Variants in ADK observed in about 807,000 individuals in gnomAD.
ADK encodes the protein adenosine kinase.
A neutral mutation model predicts 44.7 loss-of-function variants in ADK; 24 were observed. The observed-to-expected ratio is 0.54, with a 90% CI of 0.39 to 0.76. ADK has a LOEUF of 0.76. Ranked by LOEUF, ADK falls within the 30% of genes least tolerant of loss-of-function variation. The pLI, the probability that ADK is intolerant of heterozygous loss-of-function variation, is 0.00. For missense variants in ADK, 321 were observed against 425.1 expected, an observed-to-expected ratio of 0.76 and a Z score of 2.15; for synonymous variants, 128 against 142.6, an observed-to-expected ratio of 0.90 and a Z score of 0.73.
intron 6 of ADK, among the ~76,000 whole-genome samples, chr10:74,462,145 C>T (rs2133246946): frequency 6.6e-6 from 1 of 152,012 alleles, no homozygotes; most frequent in South Asian, 2.1e-4. Flanking sequence ...TGTTTTTATA[C>T]CAGAGCACCA....
chr10:74,193,486 T>C (rs1472381151), intron 1 of ADK, among the ~76,000 whole-genome samples: 1 of 152,148 alleles, frequency 6.6e-6, no homozygotes, highest in African/African-American at 2.4e-5. Context: ...TCTTTGTCTT[T>C]ATAAAAGTGT....
rs377078187 is a variant in ADK at position 74,277,546 on chromosome 10, G to A, written c.195-37121G>A. Among the ~76,000 whole-genome samples, 11 of 152,088 alleles carry A rather than the reference G, an allele frequency of 7.2e-5. No individual in the cohort carries two copies. The East Asian group carries it at 1.4e-3, about 19-fold the overall frequency. On this transcript the variant is annotated intron_variant, in intron 3 of 10. Coordinates refer to ENST00000539909, the MANE Select transcript of ADK (RefSeq NM_006721.4). The stretch of plus-strand genomic sequence containing the variant: ...CAAGTAGCTGGGACTACAGGCACCC[G>A]CCACCATGCCTGGGTAATATTTTTT...
At chr10:74,628,286 G>A (rs1853289255) in intron 9 of ADK, among the ~76,000 whole-genome samples, 1 of 152,048 alleles carries the variant, frequency 6.6e-6, no homozygotes, top group African/African-American at 2.4e-5. Context: ...CTATTGAGGT[G>A]ATCATTTCTC....
At chr10:74,444,743 T>C (rs1402059645) in intron 6 of ADK, among the ~76,000 whole-genome samples, 2 of 152,100 alleles carry the variant, frequency 1.3e-5, no homozygotes, top group South Asian at 2.1e-4. Context: ...TTCTTTAGCA[T>C]CTAGCAGTGA....
chr10:74,477,537 T>A (rs1336223530), intron 6 of ADK, among the ~76,000 whole-genome samples: 2 of 152,094 alleles, frequency 1.3e-5, no homozygotes, highest in Non-Finnish European at 2.9e-5. Context: ...TAAGTATTCT[T>A]TTTCGGGGAA....
intron 7 of ADK, among the ~76,000 whole-genome samples, chr10:74,542,785 A>G (rs1299172588): frequency 1.3e-5 from 2 of 152,178 alleles, no homozygotes; most frequent in Non-Finnish European, 2.9e-5. Flanking sequence ...CACACTATAG[A>G]TAGATCCTCT....
intron 3 of ADK, among the ~76,000 whole-genome samples, chr10:74,274,730 G>GTATATA (rs1200421234): frequency 2.5e-5 from 1 of 40,518 alleles, no homozygotes; most frequent in Admixed American, 2.4e-4. Context: ...ATTTTAATGT[G>GTATATA]TGTATATATA....
chr10:74,633,697 A>G (rs944220570), intron 9 of ADK, among the ~76,000 whole-genome samples: 1 of 152,150 alleles, frequency 6.6e-6, no homozygotes, highest in African/African-American at 2.4e-5. Flanking sequence ...ATATTACAAA[A>G]CCAACTACCT....
chr10:74,461,587 T>C (rs567866734), intron 6 of ADK, among the ~76,000 whole-genome samples: 1 of 152,176 alleles, frequency 6.6e-6, no homozygotes, highest in African/African-American at 2.4e-5. Flanking sequence ...GCTTTCCACA[T>C]AGTAGATATT....
chr10:74,273,076 G>C (rs1265228402), intron 3 of ADK, among the ~76,000 whole-genome samples: 1 of 152,040 alleles, frequency 6.6e-6, no homozygotes, highest in Middle Eastern at 3.2e-3. Flanking sequence ...ATATGGAGAT[G>C]TGCAGCCCTG....
At chr10:74,204,117 T>C (rs1326637750) in intron 2 of ADK, among the ~76,000 whole-genome samples, 1 of 151,954 alleles carries the variant, frequency 6.6e-6, no homozygotes, top group Non-Finnish European at 1.5e-5. Flanking sequence ...CCATCATGCC[T>C]GGCTAATTTT....
intron 7 of ADK, among the ~76,000 whole-genome samples, chr10:74,577,110 CTGTGTGTGTGTGTGTGTGTG>C (rs146683037): frequency 1.5e-5 from 2 of 137,326 alleles, no homozygotes; most frequent in African/African-American, 5.5e-5. Flanking sequence ...TATTATTTCT[CTGTGTGTGTGTGTGTGTGTG>C]TGTGTGTGTG....
At chr10:74,343,875 C>T (rs995550448) in intron 4 of ADK, among the ~76,000 whole-genome samples, 3 of 152,106 alleles carry the variant, frequency 2.0e-5, no homozygotes, top group South Asian at 2.1e-4. Context: ...TCCCAAAATG[C>T]GAGATTACAG....
At chr10:74,316,170 G>A (rs1446585521) in intron 4 of ADK, among the ~76,000 whole-genome samples, 2 of 151,804 alleles carry the variant, frequency 1.3e-5, no homozygotes, top group South Asian at 4.2e-4. Context: ...AACCTGGGCG[G>A]TATAGGTTGC....
chr10:74,360,151 G>A (rs1842288649), intron 4 of ADK, among the ~76,000 whole-genome samples: 1 of 151,572 alleles, frequency 6.6e-6, no homozygotes. Flanking sequence ...GTAAAGGTCT[G>A]TTAGGTTTAT....
chr10:74,330,072 G>A (rs1841166453), intron 4 of ADK, among the ~76,000 whole-genome samples: 1 of 152,156 alleles, frequency 6.6e-6, no homozygotes, highest in African/African-American at 2.4e-5. Flanking sequence ...GGAAGCTGAG[G>A]TGCAAGAATT....
chr10:74,323,387 T>C (rs1840884513), intron 4 of ADK, among the ~76,000 whole-genome samples: 1 of 152,198 alleles, frequency 6.6e-6, no homozygotes, highest in South Asian at 2.1e-4. Flanking sequence ...TTTAATTGTA[T>C]TGATTTTCTG....
intron 9 of ADK, among the ~76,000 whole-genome samples, chr10:74,630,215 G>A (rs374969383): frequency 2.6e-5 from 4 of 151,802 alleles, no homozygotes; most frequent in African/African-American, 7.3e-5. Context: ...TAATAAATAG[G>A]TAGAATTTTT....
chr10:74,428,768 T>C (rs1030986420), intron 6 of ADK, among the ~76,000 whole-genome samples: 1 of 152,196 alleles, frequency 6.6e-6, no homozygotes, highest in African/African-American at 2.4e-5. Context: ...TGAAATGTTG[T>C]ATGGGAGAAG....
Sources: allele counts gnomAD v4.1 joint callset (sites outside exome capture counted in the v4.1 genomes callset), GRCh38; gene constraint gnomAD v4.1.1; transcripts MANE v1.5; gene names NCBI Gene and HGNC (gene_info 2026-07-23, HGNC 2026-07-21).